The following VPS13B variants were observed in gnomAD, a reference collection of about 807,000 sequenced individuals.
VPS13B encodes intermembrane lipid transfer protein VPS13B.
Under a neutral mutation model 426.4 loss-of-function variants are expected in VPS13B, and 285 were observed. The ratio of observed to expected loss-of-function variants is 0.67; its 90% confidence interval spans 0.61 to 0.74. The LOEUF (loss-of-function observed/expected upper bound fraction) is 0.74, where lower values mean the gene tolerates loss of function less well. VPS13B is among the 30% of genes least tolerant of loss of function. VPS13B has a pLI of 0.00. For missense variants in VPS13B, 4,537 were observed against 4,782.6 expected, an observed-to-expected ratio of 0.95 and a Z score of 1.51; for synonymous variants, 1,676 against 1,676.4, an observed-to-expected ratio of 1.00 and a Z score of 0.01.
intron 39 of VPS13B, among the ~76,000 whole-genome samples, chr8:99,747,285 CAAAA>C (rs1204936696): frequency 1.3e-5 from 1 of 77,322 alleles, no homozygotes; most frequent in African/African-American, 4.6e-5. Flanking sequence ...TGTTATTGTA[CAAAA>C]AAAAAAAAAA....
chr8:99,418,889 C>T (rs921090082), intron 21 of VPS13B, among the ~76,000 whole-genome samples: 3 of 152,212 alleles, frequency 2.0e-5, no homozygotes, highest in African/African-American at 7.2e-5. Context: ...GCTTGGTGTT[C>T]ACCAGTTAGT....
intron 3 of VPS13B, among the ~76,000 whole-genome samples, chr8:99,089,153 T>A (rs1275141964): frequency 6.6e-6 from 1 of 152,234 alleles, no homozygotes; most frequent in Non-Finnish European, 1.5e-5. Flanking sequence ...TTAATCTCTT[T>A]ATGCCTTCGT....
At chr8:99,674,534 CTCTT>C (rs1230239129) in intron 35 of VPS13B, among the ~76,000 whole-genome samples, 4 of 151,832 alleles carry the variant, frequency 2.6e-5, no homozygotes, top group African/African-American at 7.2e-5. Context: ...TATTAATTTG[CTCTT>C]TCTTTTCATT....
intron 3 of VPS13B, among the ~76,000 whole-genome samples, chr8:99,055,539 A>T (rs532905739): frequency 6.6e-6 from 1 of 152,142 alleles, no homozygotes; most frequent in Non-Finnish European, 1.5e-5. Context: ...CTTTCTATTT[A>T]TTTAAGTAAT....
intron 34 of VPS13B, among the ~76,000 whole-genome samples, chr8:99,649,272 G>A (rs1468486511): frequency 6.6e-6 from 1 of 151,880 alleles, no homozygotes; most frequent in Non-Finnish European, 1.5e-5. Flanking sequence ...TTTTGGTTTT[G>A]TTTATCAAAT....
chr8:99,103,493 C>CTTTTT (rs71273162), intron 5 of VPS13B, among the ~76,000 whole-genome samples: 4 of 49,536 alleles, frequency 8.1e-5, no homozygotes, highest in East Asian at 5.2e-4. Flanking sequence ...CTATGCCCGG[C>CTTTTT]TTTTTTTTTT....
At chr8:99,380,354 G>T (rs1015856561) in intron 19 of VPS13B, among the ~76,000 whole-genome samples, 1 of 152,088 alleles carries the variant, frequency 6.6e-6, no homozygotes, top group Non-Finnish European at 1.5e-5. Context: ...ATGTTAAATT[G>T]TATATTATAT....
Position 99,561,199 on chromosome 8 carries a change from T to C in VPS13B, c.4949+4546T>C, listed in dbSNP as rs533818465. Among the ~76,000 whole-genome samples, 30 of 152,308 alleles carry C rather than the reference T, an allele frequency of 2.0e-4. No individual in the cohort carries two copies. The South Asian group carries it at 6.0e-3, about 30-fold the overall frequency. On this transcript the variant is annotated intron_variant, in intron 31 of 61. Transcript: ENST00000357162. ...CAGTTTGTCTCTATCTTTCTCCCTC[T>C]TTCCAGTTCCTAGCAACCACCAATC...
At chr8:99,703,823 G>C (rs1832386707) in intron 36 of VPS13B, among the ~76,000 whole-genome samples, 1 of 152,052 alleles carries the variant, frequency 6.6e-6, no homozygotes, top group African/African-American at 2.4e-5. Flanking sequence ...GGCTCTGTTT[G>C]GGCGGCACTC....
chr8:99,307,492 G>T (rs114369149), intron 19 of VPS13B, among the ~76,000 whole-genome samples: 103 of 152,120 alleles, frequency 6.8e-4, no homozygotes, highest in African/African-American at 2.3e-3. Flanking sequence ...TTCATAGGTA[G>T]AACATTTTTT....
At chr8:99,493,815 AAAAG>A (rs1334441802) in intron 25 of VPS13B, among the ~76,000 whole-genome samples, 18 of 151,098 alleles carry the variant, frequency 1.2e-4, no homozygotes, top group East Asian at 5.8e-4. Flanking sequence ...AAGAAAAAGA[AAAAG>A]AAAGAAAGAG....
chr8:99,371,619 G>C (rs1183724336), intron 19 of VPS13B, among the ~76,000 whole-genome samples: 1 of 152,216 alleles, frequency 6.6e-6, no homozygotes, highest in Non-Finnish European at 1.5e-5. Context: ...GAAAGTCAGT[G>C]GTAGCGTAAT....
intron 30 of VPS13B, among the ~76,000 whole-genome samples, chr8:99,532,561 T>C (rs1263293223): frequency 6.6e-6 from 1 of 152,094 alleles, no homozygotes; most frequent in African/African-American, 2.4e-5. Context: ...CAGAAGTATA[T>C]ACAGAATTTG....
intron 36 of VPS13B, among the ~76,000 whole-genome samples, chr8:99,709,742 A>G (rs1051727163): frequency 1.3e-5 from 2 of 152,202 alleles, no homozygotes; most frequent in Non-Finnish European, 2.9e-5. Context: ...ACCTGATCAC[A>G]TAATCACTAA....
At chr8:99,365,516 C>CTTTTTTT (rs1554754985) in intron 19 of VPS13B, among the ~76,000 whole-genome samples, 1 of 102,390 alleles carries the variant, frequency 9.8e-6, no homozygotes, top group Non-Finnish European at 1.8e-5. Context: ...TCTTCTTCTT[C>CTTTTTTT]TTTTTTTTTT....
chr8:99,333,588 T>C (rs917292455), intron 19 of VPS13B, among the ~76,000 whole-genome samples: 2 of 151,888 alleles, frequency 1.3e-5, no homozygotes, highest in African/African-American at 4.8e-5. Context: ...ACCACCATAG[T>C]CAAGATACAG....
At chr8:99,646,974 C>T (rs1467609089) in intron 34 of VPS13B, among the ~76,000 whole-genome samples, 2 of 152,160 alleles carry the variant, frequency 1.3e-5, no homozygotes, top group African/African-American at 4.8e-5. Context: ...TTGTAAATTA[C>T]TGTCTCAGGT....
intron 17 of VPS13B, among the ~76,000 whole-genome samples, chr8:99,253,570 A>C (rs888002341): frequency 2.0e-5 from 3 of 152,150 alleles, no homozygotes; most frequent in Non-Finnish European, 4.4e-5. Flanking sequence ...ATTGATGTTT[A>C]TATAATCTAC....
intron 12 of VPS13B, among the ~76,000 whole-genome samples, chr8:99,138,996 A>G (rs1012323072): frequency 1.3e-5 from 2 of 152,228 alleles, no homozygotes; most frequent in Non-Finnish European, 2.9e-5. Flanking sequence ...ACTTCTGAGA[A>G]GCCAGTAGTT....
Sources: gnomAD v4.1 joint callset for allele counts (sites outside exome capture counted in the v4.1 genomes callset) on GRCh38, gnomAD v4.1.1 for gene constraint, MANE v1.5 for transcripts, NCBI Gene and HGNC (gene_info 2026-07-23, HGNC 2026-07-21) for gene names.